Variants in MSH3 observed in about 807,000 individuals in gnomAD.
MSH3 encodes the protein mutS homolog 3, also known as DNA mismatch repair protein Msh3.
In MSH3, 106 loss-of-function variants were observed where a neutral mutation model predicts 123.3. The observed-to-expected ratio is 0.86, with a 90% CI of 0.73 to 1.01. The LOEUF is 1.01. Among genes scored for constraint, MSH3 ranks in the 50% least tolerant of loss-of-function variants. MSH3 has a pLI of 0.00. For synonymous variants in MSH3, 515 were observed against 481.4 expected (o/e 1.07, Z -0.91); for missense variants, 1,459 against 1,347.6 (o/e 1.08, Z -1.29).
intron 12 of MSH3, among the ~76,000 whole-genome samples, chr5:80,750,817 A>G (rs1743821352): frequency 6.6e-6 from 1 of 152,084 alleles, no homozygotes; most frequent in Non-Finnish European, 1.5e-5. Context: ...TGCACTTGTT[A>G]GTCTTTGTAC....
At chr5:80,869,841 T>TATATACATATATACATATATATACACAC (rs376147429) in intron 22 of MSH3, among the ~76,000 whole-genome samples, 19 of 132,528 alleles carry the variant, frequency 1.4e-4, no homozygotes, top group Middle Eastern at 4.1e-3. Flanking sequence ...TACATATATA[T>TATATACATATATACATATATATACACAC]ACACACACAC....
intron 8 of MSH3, among the ~76,000 whole-genome samples, chr5:80,698,182 C>T (rs1416870574): frequency 6.6e-6 from 1 of 152,144 alleles, no homozygotes; most frequent in African/African-American, 2.4e-5. Flanking sequence ...GAATTACAAG[C>T]GTGGACCATT....
At chr5:80,676,292 A>G (rs1749837471) in intron 7 of MSH3, among the ~76,000 whole-genome samples, 3 of 152,186 alleles carry the variant, frequency 2.0e-5, no homozygotes, top group African/African-American at 7.2e-5. Context: ...CGGCCTCCCA[A>G]AATGTTAGGA....
intron 19 of MSH3, among the ~76,000 whole-genome samples, chr5:80,809,213 T>C (rs998420671): frequency 6.6e-6 from 1 of 152,142 alleles, no homozygotes; most frequent in African/African-American, 2.4e-5. Context: ...ATTTCTGTTA[T>C]TTTTAAATTT....
intron 2 of MSH3, among the ~76,000 whole-genome samples, chr5:80,660,138 C>A (rs1006236380): frequency 6.6e-6 from 1 of 151,406 alleles, no homozygotes; most frequent in African/African-American, 2.4e-5. Context: ...ATTGGACTTA[C>A]AGTTCCACAT....
At chr5:80,856,216 A>G (rs976776182) in intron 21 of MSH3, among the ~76,000 whole-genome samples, 2 of 152,052 alleles carry the variant, frequency 1.3e-5, no homozygotes, top group African/African-American at 2.4e-5. Flanking sequence ...TTGGCAGTGA[A>G]GACCCAAGAG....
intron 8 of MSH3, among the ~76,000 whole-genome samples, chr5:80,719,299 G>A (rs966947629): frequency 6.6e-6 from 1 of 152,026 alleles, no homozygotes; most frequent in Non-Finnish European, 1.5e-5. Context: ...ACCCACCTCG[G>A]CCTCCCAAAG....
At chr5:80,688,997 G>T (rs576648324) in intron 8 of MSH3, among the ~76,000 whole-genome samples, 25 of 152,124 alleles carry the variant, frequency 1.6e-4, no homozygotes, top group Non-Finnish European at 3.2e-4. Flanking sequence ...CCAAACAGTG[G>T]GTAGCATATA....
At chr5:80,794,397 A>G (rs950739826) in intron 19 of MSH3, among the ~76,000 whole-genome samples, 3 of 152,156 alleles carry the variant, frequency 2.0e-5, no homozygotes, top group Admixed American at 6.5e-5. Context: ...AATCATTTTT[A>G]CTCAAAGTCT....
At chr5:80,863,155 G>C (rs892101394) in intron 21 of MSH3, among the ~76,000 whole-genome samples, 1 of 152,142 alleles carries the variant, frequency 6.6e-6, no homozygotes, top group African/African-American at 2.4e-5. Context: ...CACTGGGAAG[G>C]ACCCATCACC....
chr5:80,703,550 C>G (rs774419043), intron 8 of MSH3, among the ~76,000 whole-genome samples: 25 of 152,056 alleles, frequency 1.6e-4, no homozygotes, highest in Non-Finnish European at 2.9e-4. Flanking sequence ...TCCTGTCACA[C>G]TCTGTCATTT....
intron 21 of MSH3, among the ~76,000 whole-genome samples, chr5:80,858,586 T>C (rs946416308): frequency 3.9e-5 from 6 of 152,236 alleles, no homozygotes; most frequent in African/African-American, 1.4e-4. Context: ...TGTATGATTT[T>C]TATTATATTA....
intron 8 of MSH3, among the ~76,000 whole-genome samples, chr5:80,718,937 C>G (rs1291383526): frequency 6.6e-6 from 1 of 152,038 alleles, no homozygotes; most frequent in East Asian, 1.9e-4. Context: ...TCTTTAGTAG[C>G]TTTTTTGTGT....
intron 8 of MSH3, among the ~76,000 whole-genome samples, chr5:80,710,251 A>G (rs930273489): frequency 3.3e-5 from 5 of 152,202 alleles, no homozygotes; most frequent in African/African-American, 4.8e-5. Context: ...AGGTTATACA[A>G]TTACTAAGTG....
chr5:80,785,164 C>T (rs371483759), intron 17 of MSH3, among the ~76,000 whole-genome samples: 7 of 152,272 alleles, frequency 4.6e-5, no homozygotes, highest in African/African-American at 1.7e-4. Flanking sequence ...TTCTGAAACC[C>T]ACACTACAAT....
At chr5:80,771,557 A>G (rs1744213826) in intron 15 of MSH3, among the ~76,000 whole-genome samples, 1 of 151,928 alleles carries the variant, frequency 6.6e-6, no homozygotes, top group African/African-American at 2.4e-5. Context: ...TCCATCAAAT[A>G]TGATTATCTC....
chr5:80,736,829 G>A (rs369291605), intron 10 of MSH3, among the ~76,000 whole-genome samples: 156 of 152,276 alleles, frequency 1.0e-3, no homozygotes, highest in African/African-American at 3.5e-3. Context: ...GTGTGACTCC[G>A]CCTGGAGAGG....
intron 10 of MSH3, among the ~76,000 whole-genome samples, chr5:80,734,383 T>C (rs549802955): frequency 7.2e-5 from 11 of 152,272 alleles, no homozygotes; most frequent in African/African-American, 2.4e-4. Flanking sequence ...GTGGTGATGG[T>C]TGGCCAATTT....
intron 8 of MSH3, among the ~76,000 whole-genome samples, chr5:80,691,241 C>T (rs1020204983): frequency 1.6e-4 from 24 of 151,726 alleles, no homozygotes; most frequent in African/African-American, 5.6e-4. Flanking sequence ...AAGAATTCAG[C>T]AATGCCATTA....
Sources: allele counts gnomAD v4.1 joint callset (sites outside exome capture counted in the v4.1 genomes callset), GRCh38; gene constraint gnomAD v4.1.1; transcripts MANE v1.5; gene names NCBI Gene and HGNC (gene_info 2026-07-23, HGNC 2026-07-21).